Variants in ANKRD42 observed in about 807,000 individuals in gnomAD.
The protein encoded by ANKRD42 is ankyrin repeat domain-containing protein 42.
ANKRD42 carries 43 observed loss-of-function variants against 51.5 expected under a neutral mutation model. The ratio of observed to expected loss-of-function variants is 0.83; its 90% CI spans 0.65 to 1.08. The LOEUF is 1.08. Among genes scored for constraint, ANKRD42 ranks in the 50% least tolerant of loss-of-function variants. The probability of loss-of-function intolerance (pLI) is 0.00; values close to 1 mark genes in which losing one functional copy is unlikely to be tolerated. For synonymous variants in ANKRD42, 203 were observed against 213.0 expected (o/e 0.95, Z 0.41); for missense variants, 608 against 629.3 (o/e 0.97, Z 0.36).
At chr11:83,259,071 A>C (rs1176099223), downstream of ANKRD42, 1 of 152,234 alleles carries the variant, frequency 6.6e-6, no homozygotes. Flanking sequence ...AAAATATTAA[A>C]AAGTTTGGAT....
intron 3 of ANKRD42, among the ~76,000 whole-genome samples, chr11:83,209,026 A>T (rs17144831): frequency 6.6e-6 from 1 of 152,172 alleles, no homozygotes; most frequent in African/African-American, 2.4e-5. Flanking sequence ...GCAAATTCAG[A>T]TGGAACCTCT....
At chr11:83,233,674 T>C (rs1021960138) in intron 7 of ANKRD42, among the ~76,000 whole-genome samples, 3 of 152,094 alleles carry the variant, frequency 2.0e-5, no homozygotes, top group South Asian at 2.1e-4. Flanking sequence ...CATTAGATTT[T>C]GTTTTGTTTT....
At chr11:83,247,775 A>G (rs140241518) in intron 10 of ANKRD42, among the ~76,000 whole-genome samples, 168 bp from the exon 11 acceptor site, 2 of 152,348 alleles carry the variant, frequency 1.3e-5, no homozygotes, top group Non-Finnish European at 2.9e-5. Flanking sequence ...TGTATCCCCA[A>G]TACCTAGGTC....
chr11:83,248,850 A>G lies in ANKRD42; in HGVS notation c.*646A>G. 1.0e-6 allele frequency: 1 copy of G among 982,458 alleles called. No homozygotes were observed. Among genetic ancestry groups the G allele is most frequent in the Non-Finnish European group, 1.2e-6 (1 of 827,174 alleles). 60.9% of individuals were successfully genotyped at this position (982,458 alleles called of 1,614,324 possible). A position where few individuals can be genotyped will look rare whatever the true frequency, so the allele number is the denominator to read the frequency against. ...TACCATATTAGACAAAATTCTATTT[A>G]TCTGCAAACATGTATGTGTATTTCT... On this transcript the variant is annotated 3_prime_UTR_variant, in exon 11 of 11. Transcript: ENST00000533342.
At chr11:83,251,074 T>G (rs1217561807), downstream of ANKRD42, among the ~76,000 whole-genome samples, 1 of 152,160 alleles carries the variant, frequency 6.6e-6, no homozygotes, top group African/African-American at 2.4e-5. Context: ...CCTCACCAAC[T>G]TTATTTTTGT....
rs962116124 is a variant in ANKRD42, at chr11:83,248,753, A to G, written c.*549A>G. 3 of 976,500 alleles carry G rather than the reference A, an allele frequency of 3.1e-6. No individual in the cohort carries two copies. The African/African-American group carries it at 5.3e-5, about 17-fold the overall frequency. 60.5% of individuals were successfully genotyped at this position (976,500 alleles called of 1,614,324 possible). A position where few individuals can be genotyped will look rare whatever the true frequency, so the allele number is the denominator to read the frequency against. On this transcript the variant is annotated 3_prime_UTR_variant, in exon 11 of 11. Transcript: ENST00000533342. The stretch of plus-strand genomic sequence containing the variant: ...AAACATGTTTGTTGTATAGTGTTAA[A>G]AACAAGATAGATGTTCCTTCTGACA...
intron 8 of ANKRD42, among the ~76,000 whole-genome samples, chr11:83,238,940 C>T (rs907175746): frequency 2.0e-5 from 3 of 151,730 alleles, no homozygotes; most frequent in Non-Finnish European, 4.4e-5. Flanking sequence ...AGCTGGTAGG[C>T]AGAGGTTGTG....
intron 5 of ANKRD42, among the ~76,000 whole-genome samples, chr11:83,217,093 C>G (rs1198876140): frequency 1.3e-5 from 2 of 152,130 alleles, no homozygotes; most frequent in African/African-American, 4.8e-5. Context: ...GCTTGATGGC[C>G]TTGATCTTGG....
chr11:83,255,805 C>A, intron 11 of ANKRD42: 1 of 1,460,048 alleles, frequency 6.8e-7, no homozygotes, highest in Non-Finnish European at 9.1e-7. Context: ...TGTGTGCTAG[C>A]ATGAAAATTG....
intron 1 of ANKRD42, 119 bp downstream of exon 1, chr11:83,194,847 TTTTAA>T (rs2135467286): frequency 2.0e-6 from 2 of 1,018,400 alleles, no homozygotes; most frequent in Non-Finnish European, 2.8e-6. Flanking sequence ...CCCTTTCCCT[TTTTAA>T]TTTATTTTCA....
chr11:83,258,619 CAT>C (rs1863812571), downstream of ANKRD42, among the ~76,000 whole-genome samples: 2 of 152,038 alleles, frequency 1.3e-5, no homozygotes, highest in African/African-American at 4.8e-5. Flanking sequence ...TAGGTGAGCA[CAT>C]ATATGTTATT....
downstream of ANKRD42, among the ~76,000 whole-genome samples, chr11:83,249,837 C>T (rs1863643060): frequency 6.6e-6 from 1 of 152,142 alleles, no homozygotes; most frequent in Non-Finnish European, 1.5e-5. Flanking sequence ...ATCTCAATTT[C>T]CTCATCTTTA....
chr11:83,255,112 A>G (rs538205782), intron 11 of ANKRD42, among the ~76,000 whole-genome samples: 2 of 152,212 alleles, frequency 1.3e-5, no homozygotes, highest in Non-Finnish European at 2.9e-5. Flanking sequence ...GGCTCTCCCC[A>G]GGGATATGCA....
downstream of ANKRD42, chr11:83,256,139 A>G (rs1286168350): frequency 2.7e-6 from 1 of 376,436 alleles, no homozygotes; most frequent in African/African-American, 2.1e-5. Context: ...TATTCTTCTT[A>G]TATATCTCTA....
chr11:83,255,790 GA>G, intron 11 of ANKRD42: 1 of 1,405,016 alleles, frequency 7.1e-7, no homozygotes, highest in Non-Finnish European at 9.5e-7. Context: ...GTAGAAAGAC[GA>G]AAATGTGTGC....
chr11:83,207,159 A>G (rs1209868443), intron 3 of ANKRD42, among the ~76,000 whole-genome samples: 1 of 152,212 alleles, frequency 6.6e-6, no homozygotes, highest in African/African-American at 2.4e-5. Flanking sequence ...AAAGCTTCTT[A>G]TAAGACCATC....
chr11:83,255,129 G>A (rs2135567525), intron 11 of ANKRD42, among the ~76,000 whole-genome samples: 1 of 152,348 alleles, frequency 6.6e-6, no homozygotes, highest in East Asian at 1.9e-4. Flanking sequence ...TGCACCTTTT[G>A]CTGTTCTTGG....
intron 9 of ANKRD42, among the ~76,000 whole-genome samples, chr11:83,242,123 A>G (rs531460942): frequency 1.3e-5 from 2 of 152,280 alleles, no homozygotes; most frequent in Admixed American, 6.5e-5. Flanking sequence ...TTTCATCACC[A>G]TTTAAGAAGA....
chr11:83,211,414 C>CTA lies in ANKRD42; in HGVS notation c.570_571insTA (p.Asn191Ter), dbSNP rs921820096. 4 of 1,613,960 alleles carry CTA rather than the reference C, an allele frequency of 2.5e-6. No homozygotes were observed. Among genetic ancestry groups the CTA allele is most frequent in the Non-Finnish European group, 2.5e-6 (3 of 1,180,014 alleles). On this transcript the variant is annotated frameshift_variant, in exon 5 of 11. Coordinates refer to ENST00000533342, the MANE Select transcript of ANKRD42 (RefSeq NM_001300975.2). LOFTEE classifies it high-confidence loss of function. ...GTTGTAGCATAGAAGATGTGGACTA[C>CTA]AATGGAAACCTTCCAGGTATTTTAA... is the stretch of plus-strand genomic sequence containing the variant.
Sources: gnomAD v4.1 joint callset for allele counts (sites outside exome capture counted in the v4.1 genomes callset) on GRCh38, gnomAD v4.1.1 for gene constraint, MANE v1.5 for transcripts, NCBI Gene and HGNC (gene_info 2026-07-23, HGNC 2026-07-21) for gene names.